The following PNPLA1 variants were observed in gnomAD, a reference collection of about 807,000 sequenced individuals.
The protein encoded by PNPLA1 is omega-hydroxyceramide transacylase.
In PNPLA1, 36 loss-of-function variants were observed where a neutral mutation model predicts 51.7. The observed-to-expected ratio is 0.70, with a 90% CI of 0.53 to 0.92. PNPLA1 has a LOEUF of 0.92. Ranked by LOEUF, PNPLA1 falls within the 40% of genes least tolerant of loss-of-function variation. The pLI, the probability that PNPLA1 is intolerant of heterozygous loss-of-function variation, is 0.00. For synonymous variants in PNPLA1, 293 were observed against 280.1 expected (o/e 1.05, Z -0.46); for missense variants, 658 against 682.5 (o/e 0.96, Z 0.40).
At chr6:36,308,900 CAGG>C (rs1771323831) in intron 8 of PNPLA1, among the ~76,000 whole-genome samples, 1 of 152,152 alleles carries the variant, frequency 6.6e-6, no homozygotes. Context: ...GAGGCTGAGG[CAGG>C]AGGATTGCTT....
At position 36,298,150 on chromosome 6, in the gene PNPLA1, G is replaced by A. The variant is rs143965189; in HGVS notation, c.775+2726G>A. Among the ~76,000 whole-genome samples the A allele has an allele frequency of 5.3e-5, 8 of 152,154 alleles. No individual in the cohort carries two copies. The East Asian group carries it at 9.6e-4, about 18-fold the overall frequency. On this transcript the variant is annotated intron_variant, in intron 5 of 8. Coordinates refer to ENST00000636260, the MANE Select transcript of PNPLA1 (RefSeq NM_001374623.1). ...AATAGTTTGTTCCTTTTTACGTTCC[G>A]TGCCACTGTATGAATGTACCACAGC...
Position 36,294,043 on chromosome 6 carries a change from G to C in PNPLA1, c.505-147G>C. 1 of 927,494 alleles carries C rather than the reference G, an allele frequency of 1.1e-6. No homozygotes were observed. Among genetic ancestry groups the C allele is most frequent in the Non-Finnish European group, 1.6e-6 (1 of 621,384 alleles). The allele number at this position is 927,494 out of a possible 1,614,324, so 57.5% of individuals were successfully genotyped here. On this transcript the variant is annotated intron_variant, in intron 3 of 8. Transcript: ENST00000636260. This position sits in a 1 kb window ranked among gnomAD's most constrained non-coding sequence, Gnocchi z 4.2. The stretch of plus-strand genomic sequence containing the variant: ...ACACCACGCACCCACCAGGACCTCC[G>C]TCTCCAGGCTTATCCTGAGGGGTCT...
intron 7 of PNPLA1, 92 bp downstream of exon 7, chr6:36,306,468 G>GAGTTCCTGGGGCA: frequency 1.8e-6 from 2 of 1,108,424 alleles, no homozygotes; most frequent in Non-Finnish European, 2.6e-6. Flanking sequence ...AGCTGCCCCA[G>GAGTTCCTGGGGCA]GAACTCTGGG....
intron 1 of PNPLA1, among the ~76,000 whole-genome samples, chr6:36,286,236 A>G (rs1019398249): frequency 2.6e-5 from 4 of 152,220 alleles, no homozygotes; most frequent in African/African-American, 7.2e-5. Flanking sequence ...GATGATCTAG[A>G]TAGCATGTGG....
At chr6:36,273,584 T>G in intron 1 of PNPLA1, among the ~76,000 whole-genome samples, 1 of 151,608 alleles carries the variant, frequency 6.6e-6, no homozygotes, top group East Asian at 1.9e-4. Context: ...CTCACTCTTC[T>G]GTCTTTATGT....
At chr6:36,273,239 C>CAAAT (rs372909822) in intron 1 of PNPLA1, among the ~76,000 whole-genome samples, 8 of 128,486 alleles carry the variant, frequency 6.2e-5, no homozygotes, top group East Asian at 4.5e-4. Flanking sequence ...GACTCTGTCT[C>CAAAT]AAATAAATAA....
At chr6:36,299,568 T>C (rs906971632) in intron 5 of PNPLA1, among the ~76,000 whole-genome samples, 13 of 152,156 alleles carry the variant, frequency 8.5e-5, no homozygotes, top group Non-Finnish European at 1.8e-4. Flanking sequence ...TCTCTTGACC[T>C]CGTGATCCAC....
chr6:36,298,278 A>G (rs1233853380), intron 5 of PNPLA1, among the ~76,000 whole-genome samples: 1 of 152,218 alleles, frequency 6.6e-6, no homozygotes, highest in Non-Finnish European at 1.5e-5. Context: ...GATTTGGGCT[A>G]TTATGGATAA....
intron 1 of PNPLA1, among the ~76,000 whole-genome samples, chr6:36,260,980 C>T (rs969686708): frequency 6.6e-6 from 1 of 152,042 alleles, no homozygotes; most frequent in African/African-American, 2.4e-5. Flanking sequence ...TGCACCACCA[C>T]ACCCGGCTAA....
In PNPLA1 at chr6:36,262,359, T is replaced by C. The variant is rs563809933; in HGVS notation, c.-81+19098T>C. Among the ~76,000 whole-genome samples the C allele has an allele frequency of 9.1e-4, 139 of 152,314 alleles. 1 individual carries two copies. The highest frequency in any genetic ancestry group is 3.3e-3 in the African/African-American group (138 of 41,560). On this transcript the variant is annotated intron_variant, in intron 1 of 7. Transcript: ENST00000312917. ...CAGCCAGACGGGGCTACGCAGCACG[T>C]GTAATGAAACCTCCTGCCCCATTTC...
Position 36,286,745 on chromosome 6 carries a change from C to T in PNPLA1, c.206-4575C>T, listed in dbSNP as rs1161021633. Among the ~76,000 whole-genome samples, 3 of 152,292 alleles carry T rather than the reference C, an allele frequency of 2.0e-5. No individual in the cohort carries two copies. The South Asian group carries it at 6.2e-4, about 32-fold the overall frequency. On this transcript the variant is annotated intron_variant, in intron 1 of 8. Transcript: ENST00000636260. ...CCAGGCTGGAGTGCAGTGGTGCAAT[C>T]ATGGCTCACTGTGGCCTCGTCCTTC...
chr6:36,299,124 C>A (rs971084825), intron 5 of PNPLA1, among the ~76,000 whole-genome samples: 2 of 152,160 alleles, frequency 1.3e-5, no homozygotes, highest in African/African-American at 4.8e-5. Context: ...TTCCATCTTT[C>A]GGCTATTGTG....
chr6:36,307,856 A>G (rs371969350), intron 8 of PNPLA1, 144 bp downstream of exon 8: 5 of 1,076,330 alleles, frequency 4.6e-6, no homozygotes, highest in East Asian at 3.0e-5. Context: ...CACATCCGAC[A>G]TAAAATTCCT....
intron 1 of PNPLA1, among the ~76,000 whole-genome samples, chr6:36,274,846 T>C (rs1401325236): frequency 1.3e-5 from 2 of 152,248 alleles, no homozygotes; most frequent in Non-Finnish European, 2.9e-5. Flanking sequence ...TCTTCTGTAC[T>C]GTGCCTGCTC....
At chr6:36,253,061 TC>T (rs922915738) in intron 1 of PNPLA1, among the ~76,000 whole-genome samples, 1 of 152,106 alleles carries the variant, frequency 6.6e-6, no homozygotes. Context: ...GCACCTGTAG[TC>T]CCAGCTACTC....
rs184756294 is a variant in PNPLA1, at chr6:36,294,456, G to A, written c.714+57G>A. The A allele has an allele frequency of 8.9e-5, 136 of 1,526,752 alleles. No homozygotes were observed. The highest frequency in any genetic ancestry group is 1.1e-4 in the Non-Finnish European group (126 of 1,109,842). 94.6% of individuals were successfully genotyped at this position (1,526,752 alleles called of 1,614,324 possible). ...GAAGGTACCAGGGACTAGGGGTGGG[G>A]TTAGAGAGCCACTGGGGCCCACTCA... is the stretch of plus-strand genomic sequence containing the variant. On this transcript the variant is annotated intron_variant, in intron 4 of 8. Coordinates refer to ENST00000636260, the MANE Select transcript of PNPLA1 (RefSeq NM_001374623.1). The surrounding 1 kb of genome is among the most constrained non-coding windows in gnomAD (Gnocchi z 4.2).
At chr6:36,258,288 G>A (rs966025425) in intron 1 of PNPLA1, among the ~76,000 whole-genome samples, 2 of 152,154 alleles carry the variant, frequency 1.3e-5, no homozygotes, top group Non-Finnish European at 2.9e-5. Flanking sequence ...TCACTTTCCA[G>A]CTGTGTAGTC....
At chr6:36,248,886 C>G (rs1769362278) in intron 1 of PNPLA1, among the ~76,000 whole-genome samples, 1 of 152,176 alleles carries the variant, frequency 6.6e-6, no homozygotes, top group South Asian at 2.1e-4. Context: ...ACTTCATCTT[C>G]TGAAAAAGGG....
chr6:36,258,403 C>T (rs1219702306), intron 1 of PNPLA1, among the ~76,000 whole-genome samples: 2 of 152,186 alleles, frequency 1.3e-5, no homozygotes, highest in Non-Finnish European at 2.9e-5. Flanking sequence ...CCTCAGCAAA[C>T]AAACTACAAA....
Sources: allele counts gnomAD v4.1 joint callset (sites outside exome capture counted in the v4.1 genomes callset), GRCh38; gene constraint gnomAD v4.1.1; non-coding constraint Gnocchi (gnomAD v3.1); transcripts MANE v1.5; gene names NCBI Gene and HGNC (gene_info 2026-07-23, HGNC 2026-07-21).